Variants in SHISA9 observed in about 807,000 individuals in gnomAD.
SHISA9 encodes protein shisa-9.
A neutral mutation model predicts 38.0 loss-of-function variants in SHISA9; 13 were observed. The ratio of observed to expected loss-of-function variants is 0.34; its 90% CI spans 0.22 to 0.54. The LOEUF is 0.54. Among genes scored for constraint, SHISA9 ranks in the 20% least tolerant of loss-of-function variants. The pLI is 0.91. For synonymous variants in SHISA9, 275 were observed against 242.0 expected, an observed-to-expected ratio of 1.14 and a Z score of -1.27; for missense variants, 538 against 575.8, an observed-to-expected ratio of 0.93 and a Z score of 0.67.
At chr16:13,467,240 T>C in the SHISA9 span, among the ~76,000 whole-genome samples, 49,744 of 151,612 alleles carry the variant, frequency 0.33, 8,315 homozygotes, top group East Asian at 0.39. Flanking sequence ...TGTGGGGGGG[T>C]AGCATCCAAT....
At chr16:13,023,208 C>T (rs1011531727) in intron 2 of SHISA9, among the ~76,000 whole-genome samples, 1 of 152,078 alleles carries the variant, frequency 6.6e-6, no homozygotes, top group African/African-American at 2.4e-5. Context: ...TGTGATGTTC[C>T]CCACCCTGTG....
intron 2 of SHISA9, among the ~76,000 whole-genome samples, chr16:12,941,290 A>G (rs553560291): frequency 5.3e-5 from 8 of 152,288 alleles, no homozygotes; most frequent in African/African-American, 1.7e-4. Context: ...GGCGGAGGCT[A>G]CAGTAAGCCA....
At chr16:13,304,419 C>G in the SHISA9 span, among the ~76,000 whole-genome samples, 1 of 152,146 alleles carries the variant, frequency 6.6e-6, no homozygotes, top group African/African-American at 2.4e-5. Context: ...ATCACCATGC[C>G]AGGCTAATTT....
At chr16:13,281,814 T>TCC in the SHISA9 span, among the ~76,000 whole-genome samples, 137 of 151,742 alleles carry the variant, frequency 9.0e-4, no homozygotes, top group Non-Finnish European at 1.7e-3. Context: ...CTGGGCCACC[T>TCC]CCCACCTTCC....
At position 12,902,397 on chromosome 16, in the gene SHISA9, G is replaced by T; in HGVS notation, c.333G>T (p.Lys111Asn). ...GCTTCCGGTTCTGCTGCACGTTTAA[G>T]AAGCGGCGACTGAACCAAAGCACCT... Reference protein sequence around the residue: ...TCGFRFCCTFKKRRLNQSTCT... With the variant: ...TCGFRFCCTFNKRRLNQSTCT... The change falls in exon 1 of 5, where the codon AAG becomes AAT. Residue 111 changes from lysine to asparagine, a missense_variant. Transcript: ENST00000558583. 1 of 1,551,260 alleles carries T rather than the reference G, an allele frequency of 6.4e-7. No homozygotes were observed.
intron 2 of SHISA9, among the ~76,000 whole-genome samples, chr16:12,953,326 A>C (rs1285450899): frequency 6.6e-6 from 1 of 152,198 alleles, no homozygotes; most frequent in Non-Finnish European, 1.5e-5. Context: ...GCAGACATTG[A>C]CTGATTATTC....
the SHISA9 span, among the ~76,000 whole-genome samples, chr16:13,493,634 A>G: frequency 1.3e-5 from 2 of 152,148 alleles, no homozygotes; most frequent in Non-Finnish European, 2.9e-5. Flanking sequence ...TGGAGTTGTG[A>G]CATGGTGGAG....
At chr16:13,551,291 C>G in the SHISA9 span, among the ~76,000 whole-genome samples, 1 of 152,104 alleles carries the variant, frequency 6.6e-6, no homozygotes, top group Admixed American at 6.6e-5. Flanking sequence ...CACATAAGCA[C>G]CAACACAAAC....
At chr16:13,406,018 T>G in the SHISA9 span, among the ~76,000 whole-genome samples, 1 of 151,318 alleles carries the variant, frequency 6.6e-6, no homozygotes, top group Non-Finnish European at 1.5e-5. Flanking sequence ...AAAAGAAATT[T>G]TCTACACAGC....
At chr16:13,214,201 C>A (rs2051146313) in intron 4 of SHISA9, among the ~76,000 whole-genome samples, 1 of 151,992 alleles carries the variant, frequency 6.6e-6, no homozygotes, top group South Asian at 2.1e-4. Flanking sequence ...AACTATTTAT[C>A]TATTTATTTA....
chr16:13,467,404 A>G, the SHISA9 span, among the ~76,000 whole-genome samples: 1 of 152,124 alleles, frequency 6.6e-6, no homozygotes. Context: ...TGAGCCTGGC[A>G]CTAGCCACCT....
the SHISA9 span, among the ~76,000 whole-genome samples, chr16:13,447,967 A>C: frequency 1.3e-5 from 2 of 152,206 alleles, no homozygotes; most frequent in Admixed American, 6.5e-5. Flanking sequence ...ATGTGCTCCA[A>C]AGTCACTTAG....
chr16:13,512,184 T>A, the SHISA9 span, among the ~76,000 whole-genome samples: 1 of 152,048 alleles, frequency 6.6e-6, no homozygotes, highest in Non-Finnish European at 1.5e-5. Context: ...TACAAAATTA[T>A]CCAACACCCA....
intron 1 of SHISA9, among the ~76,000 whole-genome samples, chr16:12,914,543 A>C (rs1359205986): frequency 6.6e-6 from 1 of 152,150 alleles, no homozygotes; most frequent in Non-Finnish European, 1.5e-5. Flanking sequence ...CTTGTCTCTT[A>C]GCAGACTCAG....
chr16:13,238,432 T>C lies in SHISA9; in HGVS notation c.*3023T>C, dbSNP rs951702996. ...TAATTCTTATCTCCCTTTTACCTCG[T>C]GGTTGCTCTTTGCCCCCAGTCCACT... On this transcript the variant is annotated 3_prime_UTR_variant, in exon 5 of 5. Coordinates refer to ENST00000558583, the MANE Select transcript of SHISA9 (RefSeq NM_001145204.3). 9 of 152,230 alleles carry C rather than the reference T, an allele frequency of 5.9e-5. No homozygotes were observed. Among genetic ancestry groups the C allele is most frequent in the African/African-American group, 2.2e-4 (9 of 41,448 alleles). The allele number at this position is 152,230 out of a possible 1,614,324, so 9.4% of individuals were successfully genotyped here. A position where few individuals can be genotyped will look rare whatever the true frequency, so the allele number is the denominator to read the frequency against.
chr16:13,248,130 C>T, the SHISA9 span, among the ~76,000 whole-genome samples: 5 of 152,146 alleles, frequency 3.3e-5, no homozygotes, highest in East Asian at 1.9e-4. Context: ...AAGCCTTTCT[C>T]TTGGGTCTTA....
chr16:13,461,151 C>A, the SHISA9 span, among the ~76,000 whole-genome samples: 2 of 152,216 alleles, frequency 1.3e-5, no homozygotes, highest in African/African-American at 4.8e-5. Flanking sequence ...GCCTGCAGTT[C>A]TGACAGCTCT....
At chr16:13,363,112 A>G in the SHISA9 span, among the ~76,000 whole-genome samples, 109,526 of 152,090 alleles carry the variant, frequency 0.72, 39,499 homozygotes, top group East Asian at 0.78. Context: ...AGATGAGAGA[A>G]TGTGGATTTG....
chr16:12,944,851 T>C (rs979233404), intron 2 of SHISA9, among the ~76,000 whole-genome samples: 1 of 151,998 alleles, frequency 6.6e-6, no homozygotes. Flanking sequence ...TGAGGACAAA[T>C]AATTTATTTG....
Sources: allele counts gnomAD v4.1 joint callset (sites outside exome capture counted in the v4.1 genomes callset), GRCh38; gene constraint gnomAD v4.1.1; transcripts MANE v1.5; gene names NCBI Gene and HGNC (gene_info 2026-07-23, HGNC 2026-07-21).